The following RERG variants were observed in gnomAD, a reference collection of about 807,000 sequenced individuals.
The protein encoded by RERG is ras-related and estrogen-regulated growth inhibitor.
A neutral mutation model predicts 23.2 loss-of-function variants in RERG; 25 were observed. That is an observed-to-expected ratio of 1.08 (90% CI 0.79 to 1.50). RERG has a LOEUF of 1.50. Among genes scored for constraint, RERG ranks in the 40% most tolerant of loss-of-function variants. RERG has a pLI of 0.00. For missense variants in RERG, 253 were observed against 250.1 expected (o/e 1.01, Z -0.08); for synonymous variants, 81 against 89.1 (o/e 0.91, Z 0.51).
intron 2 of RERG, among the ~76,000 whole-genome samples, chr12:15,195,593 G>C (rs891369287): frequency 2.0e-5 from 3 of 149,036 alleles, no homozygotes; most frequent in African/African-American, 7.5e-5. Flanking sequence ...GTGTGTGTGT[G>C]TGTGTGTGCA....
chr12:15,113,188 T>C (rs1863655183), intron 3 of RERG, among the ~76,000 whole-genome samples: 1 of 152,174 alleles, frequency 6.6e-6, no homozygotes, highest in South Asian at 2.1e-4. Flanking sequence ...TGTACTTGTC[T>C]GATTCCAGAA....
intron 2 of RERG, among the ~76,000 whole-genome samples, chr12:15,175,011 C>A (rs1864828077): frequency 6.6e-6 from 1 of 152,000 alleles, no homozygotes. Flanking sequence ...ATGGATAATT[C>A]TTTCTTGCTT....
intron 2 of RERG, among the ~76,000 whole-genome samples, chr12:15,149,704 G>A (rs1293827480): frequency 6.6e-6 from 1 of 152,138 alleles, no homozygotes; most frequent in African/African-American, 2.4e-5. Flanking sequence ...TGATTCTTAG[G>A]TTAATATTTA....
At chr12:15,198,454 T>C (rs1280303322) in intron 2 of RERG, among the ~76,000 whole-genome samples, 1 of 152,166 alleles carries the variant, frequency 6.6e-6, no homozygotes, top group African/African-American at 2.4e-5. Context: ...AGGGGGAATA[T>C]GTGTGCATAG....
chr12:15,161,638 C>T (rs555344514), intron 2 of RERG, among the ~76,000 whole-genome samples: 19 of 152,278 alleles, frequency 1.2e-4, no homozygotes, highest in African/African-American at 4.6e-4. Flanking sequence ...TTATCAAGCA[C>T]CTATTTTGAA....
intron 2 of RERG, among the ~76,000 whole-genome samples, chr12:15,158,694 A>G (rs540746649): frequency 1.3e-5 from 2 of 152,254 alleles, no homozygotes; most frequent in South Asian, 4.1e-4. Flanking sequence ...TCAGTTGTCT[A>G]ATACTTCCTC....
chr12:15,209,585 A>C (rs954244947), intron 2 of RERG, among the ~76,000 whole-genome samples: 5 of 152,156 alleles, frequency 3.3e-5, no homozygotes, highest in Non-Finnish European at 7.4e-5. Context: ...TTTTATATAA[A>C]AGTTGCTGAG....
At chr12:15,212,964 T>A (rs867960985) in intron 2 of RERG, among the ~76,000 whole-genome samples, 34 of 152,346 alleles carry the variant, frequency 2.2e-4, no homozygotes, top group Middle Eastern at 6.8e-3. Context: ...AAATCACTTC[T>A]CTTTGTGCCA....
At position 15,108,782 on chromosome 12, in the gene RERG, G is replaced by T; in HGVS notation, c.*328C>A. Reference sequence around the variant, plus strand: ...CTGACAAGAAATTGAATTTTTAAATGCCTTTGCAAAAACTTCAACCTACTT... The same window carrying T: ...CTGACAAGAAATTGAATTTTTAAATTCCTTTGCAAAAACTTCAACCTACTT... On this transcript the variant is annotated 3_prime_UTR_variant, in exon 5 of 5. Coordinates refer to ENST00000256953, the MANE Select transcript of RERG (RefSeq NM_032918.3). The T allele has an allele frequency of 4.8e-6, 1 of 208,144 alleles. No individual in the cohort carries two copies. 12.9% of individuals were successfully genotyped at this position (208,144 alleles called of 1,614,324 possible).
At chr12:15,212,215 G>A (rs7953079) in intron 2 of RERG, among the ~76,000 whole-genome samples, 44,985 of 147,454 alleles carry the variant, frequency 0.31, 6,944 homozygotes, top group Non-Finnish European at 0.32. Context: ...GCCCGCCACC[G>A]CGCCCGGCTA....
intron 2 of RERG, among the ~76,000 whole-genome samples, chr12:15,213,996 A>ATGTGTGTGTG (rs59427690): frequency 2.3e-5 from 3 of 130,964 alleles, no homozygotes; most frequent in Admixed American, 7.6e-5. Flanking sequence ...CAGAGAAAGT[A>ATGTGTGTGTG]TGTGTGTGTG....
chr12:15,112,628 T>A (rs950421338), intron 3 of RERG, among the ~76,000 whole-genome samples: 7 of 152,104 alleles, frequency 4.6e-5, no homozygotes, highest in African/African-American at 1.7e-4. Context: ...ACCGAATGAA[T>A]GAATGATTGA....
intron 2 of RERG, among the ~76,000 whole-genome samples, chr12:15,178,644 G>A (rs1191226016): frequency 2.6e-5 from 4 of 152,082 alleles, no homozygotes; most frequent in African/African-American, 9.7e-5. Context: ...GTAAAATACG[G>A]ATAATAAAAC....
At chr12:15,181,309 A>T (rs1383324354) in intron 2 of RERG, among the ~76,000 whole-genome samples, 1 of 152,250 alleles carries the variant, frequency 6.6e-6, no homozygotes, top group Non-Finnish European at 1.5e-5. Flanking sequence ...GTGAAATATT[A>T]AGCTAGAGCA....
intron 2 of RERG, among the ~76,000 whole-genome samples, chr12:15,145,829 A>T (rs752649412): frequency 2.6e-5 from 4 of 152,246 alleles, no homozygotes; most frequent in Non-Finnish European, 5.9e-5. Context: ...CGTAAAATGG[A>T]CTATTTCAAC....
intron 3 of RERG, among the ~76,000 whole-genome samples, chr12:15,120,174 G>A (rs1479349620): frequency 6.6e-6 from 1 of 152,106 alleles, no homozygotes; most frequent in Non-Finnish European, 1.5e-5. Flanking sequence ...ATAAATTTCA[G>A]AACTATTAGT....
At chr12:15,115,818 C>T (rs1484442638) in intron 3 of RERG, among the ~76,000 whole-genome samples, 1 of 152,148 alleles carries the variant, frequency 6.6e-6, no homozygotes, top group Non-Finnish European at 1.5e-5. Flanking sequence ...GTCCAAAATA[C>T]AAACTGTAGA....
chr12:15,161,222 G>GAAAGAAAGAAAGAAAGAA, intron 2 of RERG, among the ~76,000 whole-genome samples: 2 of 122,026 alleles, frequency 1.6e-5, no homozygotes, highest in Non-Finnish European at 3.7e-5. Flanking sequence ...AAGAAAGAAA[G>GAAAGAAAGAAAGAAAGAA]AAAGAAACAG....
chr12:15,199,277 T>C (rs536920920), intron 2 of RERG, among the ~76,000 whole-genome samples: 1 of 152,282 alleles, frequency 6.6e-6, no homozygotes, highest in Non-Finnish European at 1.5e-5. Context: ...AATAATTTAG[T>C]TGCTATCATT....
Sources: gnomAD v4.1 joint callset for allele counts (sites outside exome capture counted in the v4.1 genomes callset) on GRCh38, gnomAD v4.1.1 for gene constraint, MANE v1.5 for transcripts, NCBI Gene and HGNC (gene_info 2026-07-23, HGNC 2026-07-21) for gene names.